Variants in ADGRG6 observed in about 807,000 individuals in gnomAD.
ADGRG6 encodes adhesion G protein-coupled receptor G6.
ADGRG6 carries 84 observed loss-of-function variants against 142.4 expected under a neutral mutation model. The ratio of observed to expected loss-of-function variants is 0.59; its 90% confidence interval spans 0.49 to 0.71. The LOEUF is 0.71. Ranked by LOEUF, ADGRG6 falls within the 30% of genes least tolerant of loss-of-function variation. The pLI, the probability that ADGRG6 is intolerant of heterozygous loss-of-function variation, is 0.00. For missense variants in ADGRG6, 1,367 were observed against 1,466.6 expected (o/e 0.93, Z 1.11); for synonymous variants, 521 against 520.5 (o/e 1.00, Z -0.01).
At chr6:142,384,793 G>T (rs555619699) in intron 6 of ADGRG6, among the ~76,000 whole-genome samples, 2 of 152,116 alleles carry the variant, frequency 1.3e-5, no homozygotes, top group African/African-American at 4.8e-5. Context: ...GGCTTCAGAG[G>T]TTACATCAAT....
intron 23 of ADGRG6, among the ~76,000 whole-genome samples, chr6:142,437,891 A>AT (rs1777559917): frequency 9.3e-6 from 1 of 107,950 alleles, no homozygotes; most frequent in Admixed American, 8.2e-5. Context: ...TTTTCTCAGT[A>AT]TTAAAAAAAA....
chr6:142,318,451 C>T (rs867005454), intron 2 of ADGRG6, among the ~76,000 whole-genome samples: 2 of 129,080 alleles, frequency 1.5e-5, no homozygotes, highest in East Asian at 2.1e-4. Flanking sequence ...ATATCAGGCT[C>T]ATTTCAAAGT....
chr6:142,366,050 C>T (rs1235378408), intron 2 of ADGRG6, among the ~76,000 whole-genome samples: 2 of 152,104 alleles, frequency 1.3e-5, no homozygotes, highest in Admixed American at 1.3e-4. Flanking sequence ...TTACTGCCTT[C>T]ATTTATATAA....
intron 8 of ADGRG6, among the ~76,000 whole-genome samples, chr6:142,393,483 A>G (rs1475920950): frequency 1.3e-5 from 2 of 152,116 alleles, no homozygotes; most frequent in East Asian, 3.9e-4. Flanking sequence ...TGTATTGTCC[A>G]TATATCCTCC....
At chr6:142,419,016 T>C (rs937688340) in intron 21 of ADGRG6, among the ~76,000 whole-genome samples, 1 of 152,164 alleles carries the variant, frequency 6.6e-6, no homozygotes, top group African/African-American at 2.4e-5. Context: ...TTTGTAATCA[T>C]TGTAAGCTAC....
intron 22 of ADGRG6, among the ~76,000 whole-genome samples, chr6:142,427,603 A>G (rs1303635992): frequency 4.6e-5 from 7 of 152,144 alleles, no homozygotes; most frequent in Non-Finnish European, 1.0e-4. Context: ...GTATCTTTTC[A>G]GCAGCACCAT....
chr6:142,337,978 A>G (rs1779399503), intron 2 of ADGRG6, among the ~76,000 whole-genome samples: 1 of 145,192 alleles, frequency 6.9e-6, no homozygotes, highest in African/African-American at 2.5e-5. Flanking sequence ...AAATAAACAA[A>G]TGTTCTGACA....
At chr6:142,317,164 G>A (rs1460714787) in intron 2 of ADGRG6, among the ~76,000 whole-genome samples, 1 of 152,000 alleles carries the variant, frequency 6.6e-6, no homozygotes, top group South Asian at 2.1e-4. Flanking sequence ...GCTTTACTTG[G>A]CGTTTGGTTA....
At chr6:142,362,005 A>G (rs1280786992) in intron 2 of ADGRG6, among the ~76,000 whole-genome samples, 1 of 152,182 alleles carries the variant, frequency 6.6e-6, no homozygotes, top group African/African-American at 2.4e-5. Context: ...GATCTTCAGA[A>G]AGTATTATCT....
At chr6:142,335,299 A>G (rs1779258640) in intron 2 of ADGRG6, among the ~76,000 whole-genome samples, 1 of 152,218 alleles carries the variant, frequency 6.6e-6, no homozygotes, top group African/African-American at 2.4e-5. Context: ...ACTTTTTATT[A>G]CACAATTATT....
chr6:142,376,033 A>G (rs778685081), intron 4 of ADGRG6, among the ~76,000 whole-genome samples: 17 of 152,182 alleles, frequency 1.1e-4, no homozygotes, highest in Non-Finnish European at 2.2e-4. Flanking sequence ...AAACCTGTCA[A>G]TACTTTTAAA....
intron 2 of ADGRG6, among the ~76,000 whole-genome samples, chr6:142,316,973 C>G (rs910882533): frequency 6.6e-5 from 10 of 152,090 alleles, no homozygotes; most frequent in African/African-American, 2.4e-4. Context: ...TCTCATCTCT[C>G]TTTAGAATGG....
At chr6:142,384,524 C>T (rs911501549) in intron 6 of ADGRG6, among the ~76,000 whole-genome samples, 1 of 152,090 alleles carries the variant, frequency 6.6e-6, no homozygotes, top group African/African-American at 2.4e-5. Flanking sequence ...AATTCTTTAA[C>T]CTGTTCCTAG....
Position 142,330,936 on chromosome 6 carries a change from A to T in ADGRG6, c.103+21292A>T, listed in dbSNP as rs1779025780. 2.7e-5 allele frequency among the ~76,000 whole-genome samples: 4 copies of T among 150,824 alleles called. No homozygotes were observed. In the South Asian group the frequency reaches 6.3e-4, roughly 24 times the overall value. ...TAAACAAATTCAGAATTGTTTCTTT[A>T]AAAAAAAAGCTTTTTAAGCTTCATT... On this transcript the variant is annotated intron_variant, in intron 2 of 24. Transcript: ENST00000367609.
chr6:142,323,321 A>G (rs1208453528), intron 2 of ADGRG6, among the ~76,000 whole-genome samples: 1 of 152,112 alleles, frequency 6.6e-6, no homozygotes, highest in East Asian at 1.9e-4. Flanking sequence ...GAGTAAATCC[A>G]AAGGGTGAAA....
chr6:142,371,359 G>A (rs553936645), intron 4 of ADGRG6, among the ~76,000 whole-genome samples: 1 of 151,578 alleles, frequency 6.6e-6, no homozygotes, highest in African/African-American at 2.4e-5. Context: ...TAGAGATGGG[G>A]TTTCATCATG....
At chr6:142,327,820 AT>A (rs1219323133) in intron 2 of ADGRG6, among the ~76,000 whole-genome samples, 1 of 152,024 alleles carries the variant, frequency 6.6e-6, no homozygotes, top group East Asian at 1.9e-4. Context: ...TTAACATTTA[AT>A]TTTTTTGAAA....
intron 4 of ADGRG6, among the ~76,000 whole-genome samples, chr6:142,378,047 C>T (rs9496358): frequency 0.017 from 2,539 of 152,250 alleles, 77 homozygotes; most frequent in African/African-American, 0.057. Context: ...AACTAAAATA[C>T]TGAGAAGTAA....
At chr6:142,334,453 C>T (rs1779215672) in intron 2 of ADGRG6, among the ~76,000 whole-genome samples, 2 of 152,188 alleles carry the variant, frequency 1.3e-5, no homozygotes, top group African/African-American at 4.8e-5. Context: ...ACCTAACTCT[C>T]CACACGTAGC....
Sources: gnomAD v4.1 joint callset for allele counts (sites outside exome capture counted in the v4.1 genomes callset) on GRCh38, gnomAD v4.1.1 for gene constraint, MANE v1.5 for transcripts, NCBI Gene and HGNC (gene_info 2026-07-23, HGNC 2026-07-21) for gene names.